SH3D19: variants seen among roughly 807,000 people sequenced by gnomAD.
The protein encoded by SH3D19 is SH3 domain containing 19.
A neutral mutation model predicts 112.1 loss-of-function variants in SH3D19; 58 were observed. The ratio of observed to expected loss-of-function variants is 0.52; its 90% CI spans 0.42 to 0.64. The LOEUF is 0.64. SH3D19 is among the 30% of genes least tolerant of loss of function. SH3D19 has a pLI of 0.00. For synonymous variants in SH3D19, 391 were observed against 448.5 expected (o/e 0.87, Z 1.62); for missense variants, 1,090 against 1,263.4 (o/e 0.86, Z 2.08).
intron 1 of SH3D19, among the ~76,000 whole-genome samples, chr4:151,244,597 T>C (rs570034441): frequency 6.2e-4 from 94 of 152,352 alleles, no homozygotes; most frequent in Non-Finnish European, 1.1e-3. Flanking sequence ...GACCAAATCA[T>C]GTTATAGTCA....
intron 1 of SH3D19, among the ~76,000 whole-genome samples, chr4:151,318,446 A>T (rs543139458): frequency 5.9e-5 from 9 of 152,316 alleles, no homozygotes; most frequent in African/African-American, 2.2e-4. Flanking sequence ...TAGAATTAAG[A>T]TATTTCCAAG....
At chr4:151,207,679 C>T (rs1435082331) in intron 2 of SH3D19, among the ~76,000 whole-genome samples, 2 of 152,168 alleles carry the variant, frequency 1.3e-5, no homozygotes, top group East Asian at 3.9e-4. Flanking sequence ...CAATAGTGTG[C>T]TTCTCCAAGC....
At chr4:151,211,527 T>G (rs188282596) in intron 2 of SH3D19, among the ~76,000 whole-genome samples, 2 of 149,336 alleles carry the variant, frequency 1.3e-5, no homozygotes, top group African/African-American at 2.5e-5. Context: ...AAAGCTGAGA[T>G]AGGCCAGAAG....
intron 2 of SH3D19, among the ~76,000 whole-genome samples, chr4:151,223,214 A>T (rs1256083481): frequency 6.6e-6 from 1 of 151,056 alleles, no homozygotes; most frequent in Non-Finnish European, 1.5e-5. Context: ...TTTCAACAGC[A>T]GCTGGTATCT....
At chr4:151,223,022 T>C (rs1038673493) in intron 2 of SH3D19, among the ~76,000 whole-genome samples, 31 of 83,588 alleles carry the variant, frequency 3.7e-4, no homozygotes, top group Admixed American at 3.3e-3. Context: ...TTTTTTTTTT[T>C]CCTTAGGACT....
chr4:151,213,460 C>G (rs745448423), intron 2 of SH3D19, among the ~76,000 whole-genome samples: 19 of 151,874 alleles, frequency 1.3e-4, no homozygotes, highest in Non-Finnish European at 2.2e-4. Context: ...GCCTGGGCAA[C>G]ATGGTACAAT....
intron 19 of SH3D19, among the ~76,000 whole-genome samples, chr4:151,126,814 A>G (rs538981207): frequency 4.6e-5 from 7 of 151,272 alleles, no homozygotes; most frequent in East Asian, 1.9e-4. Context: ...GAAAAAAAAA[A>G]AAAAGAAAAG....
chr4:151,250,723 C>G (rs1771305057), intron 1 of SH3D19, among the ~76,000 whole-genome samples: 1 of 152,172 alleles, frequency 6.6e-6, no homozygotes, highest in Admixed American at 6.5e-5. Context: ...ATTTTAATAA[C>G]AGCTATTAAT....
intron 1 of SH3D19, among the ~76,000 whole-genome samples, chr4:151,250,636 T>C (rs879650972): frequency 1.3e-5 from 2 of 152,216 alleles, no homozygotes; most frequent in African/African-American, 4.8e-5. Context: ...GAAATTTTTT[T>C]AGTAATTGTA....
chr4:151,169,250 C>T (rs780124729), intron 7 of SH3D19, among the ~76,000 whole-genome samples: 8 of 152,064 alleles, frequency 5.3e-5, no homozygotes, highest in Non-Finnish European at 1.2e-4. Context: ...TAATAACTGG[C>T]ACTCAGATAG....
intron 1 of SH3D19, among the ~76,000 whole-genome samples, chr4:151,285,598 T>G (rs1774671388): frequency 1.3e-5 from 2 of 152,194 alleles, no homozygotes; most frequent in South Asian, 4.2e-4. Flanking sequence ...TGTAAATGCC[T>G]ACGTTAAACA....
At chr4:151,167,720 GC>G (rs1758310967) in intron 7 of SH3D19, among the ~76,000 whole-genome samples, 1 of 150,628 alleles carries the variant, frequency 6.6e-6, no homozygotes, top group Non-Finnish European at 1.5e-5. Context: ...GAGCGCCTCT[GC>G]CCGGCCGCCC....
chr4:151,192,954 ATTC>A (rs1473817852), intron 2 of SH3D19, among the ~76,000 whole-genome samples: 5 of 152,074 alleles, frequency 3.3e-5, no homozygotes, highest in South Asian at 4.2e-4. Context: ...GTCCTTTCCA[ATTC>A]TTCTTTTTTT....
At chr4:151,203,110 C>T (rs1342570853) in intron 2 of SH3D19, among the ~76,000 whole-genome samples, 5 of 152,124 alleles carry the variant, frequency 3.3e-5, no homozygotes, top group African/African-American at 1.2e-4. Flanking sequence ...GACTCCTAAT[C>T]CCACCTCATT....
chr4:151,303,010 G>A (rs911231005), intron 1 of SH3D19, among the ~76,000 whole-genome samples: 49 of 152,010 alleles, frequency 3.2e-4, no homozygotes, highest in Non-Finnish European at 6.2e-4. Context: ...AGAACTTAAA[G>A]TATAAGAAGA....
intron 1 of SH3D19, among the ~76,000 whole-genome samples, chr4:151,252,786 A>C (rs529205340): frequency 5.3e-5 from 8 of 152,132 alleles, no homozygotes; most frequent in Non-Finnish European, 8.8e-5. Flanking sequence ...CTCCTCCTAC[A>C]CTGTGCCCCA....
At chr4:151,271,419 G>T (rs1205356790) in intron 1 of SH3D19, among the ~76,000 whole-genome samples, 1 of 152,218 alleles carries the variant, frequency 6.6e-6, no homozygotes, top group Non-Finnish European at 1.5e-5. Flanking sequence ...AAAGAAGACT[G>T]AATTCTTGAA....
intron 1 of SH3D19, among the ~76,000 whole-genome samples, chr4:151,295,700 A>C (rs1361700009): frequency 1.3e-5 from 2 of 152,178 alleles, no homozygotes; most frequent in Non-Finnish European, 2.9e-5. Context: ...TGATTAGAAA[A>C]GGAGGCAGTG....
chr4:151,294,632 C>A (rs1775576389), intron 1 of SH3D19, among the ~76,000 whole-genome samples: 1 of 152,200 alleles, frequency 6.6e-6, no homozygotes, highest in Non-Finnish European at 1.5e-5. Context: ...GTCAGTCATA[C>A]AGTATGTCTA....
Sources: gnomAD v4.1 joint callset for allele counts (sites outside exome capture counted in the v4.1 genomes callset) on GRCh38, gnomAD v4.1.1 for gene constraint, MANE v1.5 for transcripts, NCBI Gene and HGNC (gene_info 2026-07-23, HGNC 2026-07-21) for gene names.